Variants in MYO16 observed in about 807,000 individuals in gnomAD.
The protein encoded by MYO16 is unconventional myosin-XVI.
Under a neutral mutation model 205.3 loss-of-function variants are expected in MYO16, and 94 were observed. The observed-to-expected ratio is 0.46, with a 90% CI of 0.39 to 0.54. The LOEUF is 0.54. Among genes scored for constraint, MYO16 ranks in the 20% least tolerant of loss-of-function variants. MYO16 has a pLI of 0.00. For missense variants in MYO16, 2,315 were observed against 2,387.5 expected (o/e 0.97, Z 0.63); for synonymous variants, 988 against 954.0 (o/e 1.04, Z -0.66).
chr13:108,518,185 A>G, the MYO16 span, among the ~76,000 whole-genome samples: 2 of 152,222 alleles, frequency 1.3e-5, no homozygotes, highest in Non-Finnish European at 2.9e-5. Context: ...GTAGAAAAAT[A>G]TAGTAGCTTT....
upstream of MYO16, among the ~76,000 whole-genome samples, chr13:108,626,162 GA>G (rs1210144716): frequency 7.3e-5 from 11 of 151,640 alleles, no homozygotes; most frequent in East Asian, 1.9e-4. Context: ...ACATTTAAGA[GA>G]AAAAAAATCA....
intron 22 of MYO16, among the ~76,000 whole-genome samples, chr13:109,018,537 C>T (rs1433257199): frequency 1.3e-5 from 2 of 152,156 alleles, no homozygotes; most frequent in African/African-American, 2.4e-5. Flanking sequence ...CAGACAGGGA[C>T]GTTTAAGTCT....
At chr13:108,874,712 A>G (rs1290201630) in intron 12 of MYO16, among the ~76,000 whole-genome samples, 3 of 145,580 alleles carry the variant, frequency 2.1e-5, no homozygotes, top group Non-Finnish European at 4.5e-5. Flanking sequence ...TATTATTATT[A>G]TTATTATTAT....
chr13:108,824,526 A>G (rs1876152287), intron 9 of MYO16, among the ~76,000 whole-genome samples: 1 of 152,128 alleles, frequency 6.6e-6, no homozygotes, highest in Non-Finnish European at 1.5e-5. Flanking sequence ...TTGAATGGTT[A>G]AAGATGTTAA....
rs1880651398 is a variant in MYO16 at position 109,207,445 on chromosome 13, A to C, written c.*609A>C. The stretch of plus-strand genomic sequence containing the variant: ...CTCCACAGTCCTTTTTTTTCACCTA[A>C]CGCACCTAAATCTTGAAACTACATT... On this transcript the variant is annotated 3_prime_UTR_variant, in exon 35 of 35. Transcript: ENST00000457511. 1 of 151,898 alleles carries C rather than the reference A, an allele frequency of 6.6e-6. No individual in the cohort carries two copies. Among genetic ancestry groups the C allele is most frequent in the Non-Finnish European group, 1.5e-5 (1 of 67,964 alleles). The allele number at this position is 151,898 out of a possible 1,614,324, so 9.4% of individuals were successfully genotyped here.
chr13:108,662,721 G>A (rs1479915012), intron 1 of MYO16, among the ~76,000 whole-genome samples: 1 of 152,144 alleles, frequency 6.6e-6, no homozygotes, highest in African/African-American at 2.4e-5. Flanking sequence ...AGAGAAAAGG[G>A]CTTTAGTTCT....
chr13:108,858,305 A>G (rs1476415717), intron 11 of MYO16, among the ~76,000 whole-genome samples: 2 of 152,242 alleles, frequency 1.3e-5, no homozygotes, highest in Non-Finnish European at 2.9e-5. Context: ...GTATCAGTCC[A>G]TGATTAATTG....
chr13:108,711,547 C>T (rs1341905294), intron 2 of MYO16, among the ~76,000 whole-genome samples: 2 of 152,242 alleles, frequency 1.3e-5, no homozygotes, highest in Non-Finnish European at 2.9e-5. Context: ...ACACCCACTG[C>T]ACCCACCGTC....
intron 15 of MYO16, among the ~76,000 whole-genome samples, chr13:108,900,947 G>A (rs1400184876): frequency 6.6e-6 from 1 of 152,142 alleles, no homozygotes; most frequent in Non-Finnish European, 1.5e-5. Context: ...TCCCTGAGGG[G>A]AGGCCTCTGA....
intron 27 of MYO16, among the ~76,000 whole-genome samples, chr13:109,078,695 G>A (rs1232784071): frequency 6.6e-6 from 1 of 152,120 alleles, no homozygotes; most frequent in African/African-American, 2.4e-5. Flanking sequence ...TAAGTCCCTT[G>A]GAAACAGTTT....
intron 20 of MYO16, among the ~76,000 whole-genome samples, chr13:108,973,876 A>G (rs528670706): frequency 6.6e-6 from 1 of 152,254 alleles, no homozygotes; most frequent in South Asian, 2.1e-4. Context: ...TCTTTACTTA[A>G]TTAGAGGGAA....
At chr13:108,991,326 T>A (rs1329426419) in intron 20 of MYO16, among the ~76,000 whole-genome samples, 1 of 152,198 alleles carries the variant, frequency 6.6e-6, no homozygotes, top group East Asian at 1.9e-4. Flanking sequence ...ATTTTTATCA[T>A]CTGTAACTGT....
intron 16 of MYO16, among the ~76,000 whole-genome samples, chr13:108,950,049 G>C (rs1164138022): frequency 1.3e-5 from 2 of 151,586 alleles, no homozygotes; most frequent in East Asian, 3.9e-4. Flanking sequence ...AAATCAAGAT[G>C]ATCAGAGACC....
intron 11 of MYO16, among the ~76,000 whole-genome samples, chr13:108,865,602 A>G (rs1463542847): frequency 6.6e-6 from 1 of 151,712 alleles, no homozygotes; most frequent in African/African-American, 2.4e-5. Context: ...TAATCTTTGT[A>G]TTTTAATTGG....
Position 109,120,493 on chromosome 13 carries a change from A to G in MYO16, c.3535+27A>G. Reference sequence around the variant, plus strand: ...TAACATTTATATGCCAACATTTCTGAATTTATTTGAGTTGTGAAATGCAAA... The same window carrying G: ...TAACATTTATATGCCAACATTTCTGGATTTATTTGAGTTGTGAAATGCAAA... On this transcript the variant is annotated intron_variant, in intron 29 of 34. Transcript: ENST00000457511. 1.9e-6 allele frequency: 3 copies of G among 1,561,090 alleles called. No homozygotes were observed. In the East Asian group the frequency reaches 6.7e-5, roughly 35 times the overall value.
chr13:109,155,478 T>G (rs1877962400), intron 32 of MYO16, among the ~76,000 whole-genome samples: 1 of 152,174 alleles, frequency 6.6e-6, no homozygotes, highest in Non-Finnish European at 1.5e-5. Flanking sequence ...AAATCCAGTT[T>G]CTCAGCACAC....
intron 16 of MYO16, among the ~76,000 whole-genome samples, chr13:108,924,552 G>C (rs1881896983): frequency 6.6e-6 from 1 of 152,162 alleles, no homozygotes; most frequent in African/African-American, 2.4e-5. Flanking sequence ...TGATTCCTGA[G>C]TACGAATGGA....
At chr13:109,105,218 A>C (rs157007) in intron 28 of MYO16, among the ~76,000 whole-genome samples, 152,351 of 152,410 alleles carry the variant, frequency 1, 76,146 homozygotes, top group Non-Finnish European at 1. Flanking sequence ...TGCCTATAAT[A>C]CCAGCACTTT....
intron 11 of MYO16, among the ~76,000 whole-genome samples, chr13:108,864,562 T>A (rs138416561): frequency 4.6e-5 from 7 of 152,300 alleles, no homozygotes; most frequent in African/African-American, 1.7e-4. Context: ...AGGATCTCAC[T>A]CTTTCACCCA....
Sources: allele counts gnomAD v4.1 joint callset (sites outside exome capture counted in the v4.1 genomes callset), GRCh38; gene constraint gnomAD v4.1.1; transcripts MANE v1.5; gene names NCBI Gene and HGNC (gene_info 2026-07-23, HGNC 2026-07-21).